The following ADAM20 variants were observed in gnomAD, a reference collection of about 807,000 sequenced individuals.
ADAM20 encodes the protein disintegrin and metalloproteinase domain-containing protein 20.
For missense variants in ADAM20, 871 were observed against 883.2 expected (o/e 0.99, Z 0.18); for synonymous variants, 305 against 310.2 (o/e 0.98, Z 0.18).
the ADAM20 span, among the ~76,000 whole-genome samples, chr14:70,559,472 C>CT: frequency 3.3e-5 from 5 of 152,302 alleles, no homozygotes; most frequent in East Asian, 9.6e-4. Flanking sequence ...AACATGTCTC[C>CT]TGCATCCATT....
chr14:70,577,597 C>A, the ADAM20 span, among the ~76,000 whole-genome samples: 1 of 152,120 alleles, frequency 6.6e-6, no homozygotes, highest in Non-Finnish European at 1.5e-5. Context: ...CCCTAAAATT[C>A]ATTTGAAACA....
the ADAM20 span, among the ~76,000 whole-genome samples, chr14:70,544,052 C>G: frequency 6.6e-6 from 1 of 152,068 alleles, no homozygotes; most frequent in Admixed American, 6.6e-5. Flanking sequence ...CACGCCAGCC[C>G]CGAGATAACC....
rs374396103 is a variant in ADAM20, at chr14:70,524,556, C to T, written c.202G>A (p.Gly68Arg). The T allele has an allele frequency of 1.2e-6, 2 of 1,613,858 alleles. No homozygotes were observed. Among genetic ancestry groups the T allele is most frequent in the African/African-American group, 2.7e-5 (2 of 74,896 alleles). Reference protein sequence around the residue: ...PGWLSYSLRFGGQRYIVHMRV... With the variant: ...PGWLSYSLRFRGQRYIVHMRV... ...ATGTGGACAATGTATCTCTGTCCCCCAAACCGCAGGCTATAGGAGAGCCAT... is the reference window on the plus strand; with the variant it reads ...ATGTGGACAATGTATCTCTGTCCCCTAAACCGCAGGCTATAGGAGAGCCAT... Residue 68 changes from glycine (G) to arginine (R), a missense_variant, in exon 2 of 2, where the codon GGG (glycine) becomes AGG (arginine). Physicochemically the swap from Gly to Arg is moderately radical, Grantham distance 125 (BLOSUM62 -2). Coordinates refer to ENST00000256389, the MANE Select transcript of ADAM20 (RefSeq NM_003814.5).
chr14:70,547,451 C>G, the ADAM20 span: 1 of 140,388 alleles, frequency 7.1e-6, no homozygotes, highest in East Asian at 2.1e-4. Flanking sequence ...GTGTGCGCAC[C>G]GTGCGCGAGC....
chr14:70,563,237 T>C, the ADAM20 span, among the ~76,000 whole-genome samples: 1 of 152,010 alleles, frequency 6.6e-6, no homozygotes, highest in South Asian at 2.1e-4. Flanking sequence ...TTAGCAGCCC[T>C]CATTACAACC....
intron 1 of ADAM20, among the ~76,000 whole-genome samples, chr14:70,534,286 T>C (rs1595023944): frequency 6.6e-6 from 1 of 151,980 alleles, no homozygotes; most frequent in Non-Finnish European, 1.5e-5. Context: ...ACAGCTGCTA[T>C]GGAAAACAAT....
At chr14:70,555,821 CT>C in the ADAM20 span, among the ~76,000 whole-genome samples, 1 of 152,212 alleles carries the variant, frequency 6.6e-6, no homozygotes, top group Non-Finnish European at 1.5e-5. Context: ...TTTCAAACCA[CT>C]TAGTTTCTGG....
chr14:70,559,561 A>G, the ADAM20 span, among the ~76,000 whole-genome samples: 15 of 152,228 alleles, frequency 9.9e-5, no homozygotes, highest in Non-Finnish European at 1.9e-4. Context: ...TACTTTGCTC[A>G]GAATGCTCCA....
At chr14:70,570,920 TG>T in the ADAM20 span, among the ~76,000 whole-genome samples, 1,174 of 152,288 alleles carry the variant, frequency 7.7e-3, 13 homozygotes, top group African/African-American at 0.027. Context: ...CATGATCAAG[TG>T]GGCTTTATTT....
intron 1 of ADAM20, among the ~76,000 whole-genome samples, chr14:70,527,023 G>A (rs1452195257): frequency 1.3e-5 from 2 of 152,066 alleles, no homozygotes; most frequent in Non-Finnish European, 2.9e-5. Context: ...TGTAACCAGA[G>A]TTTATATTTA....
the ADAM20 span, among the ~76,000 whole-genome samples, chr14:70,543,095 G>A: frequency 2.0e-5 from 3 of 152,110 alleles, no homozygotes; most frequent in Non-Finnish European, 4.4e-5. Context: ...AAAAACTATT[G>A]CACACCTGTT....
At chr14:70,527,313 T>C (rs192882001) in intron 1 of ADAM20, among the ~76,000 whole-genome samples, 1 of 152,312 alleles carries the variant, frequency 6.6e-6, no homozygotes, top group East Asian at 1.9e-4. Flanking sequence ...AGCCCCTCTA[T>C]CTGTGCTATG....
chr14:70,570,427 T>C, the ADAM20 span, among the ~76,000 whole-genome samples: 1 of 151,572 alleles, frequency 6.6e-6, no homozygotes, highest in Non-Finnish European at 1.5e-5. Context: ...CAATAAAAAA[T>C]GATAAAGGTG....
intron 1 of ADAM20, among the ~76,000 whole-genome samples, chr14:70,527,373 C>T (rs933073621): frequency 3.9e-5 from 6 of 152,076 alleles, no homozygotes; most frequent in Non-Finnish European, 7.4e-5. Context: ...TCAGATTTAT[C>T]CTCAACTTTT....
At chr14:70,543,648 A>G in the ADAM20 span, among the ~76,000 whole-genome samples, 1 of 152,188 alleles carries the variant, frequency 6.6e-6, no homozygotes, top group Non-Finnish European at 1.5e-5. Flanking sequence ...CCTAGGACTA[A>G]TGTTCTTACC....
At chr14:70,541,628 T>C in the ADAM20 span, among the ~76,000 whole-genome samples, 1 of 152,214 alleles carries the variant, frequency 6.6e-6, no homozygotes, top group Non-Finnish European at 1.5e-5. Context: ...AGCACACTAA[T>C]ATAAAGGTAA....
chr14:70,541,695 G>A, the ADAM20 span, among the ~76,000 whole-genome samples: 1 of 152,178 alleles, frequency 6.6e-6, no homozygotes, highest in African/African-American at 2.4e-5. Flanking sequence ...ATAAAATAGT[G>A]TTTGGTTTTC....
At chr14:70,561,144 G>C in the ADAM20 span, among the ~76,000 whole-genome samples, 30 of 152,360 alleles carry the variant, frequency 2.0e-4, no homozygotes, top group African/African-American at 6.5e-4. Context: ...CTCAGATGGA[G>C]ATGAGGAATT....
chr14:70,573,453 A>G, the ADAM20 span, among the ~76,000 whole-genome samples: 1 of 152,246 alleles, frequency 6.6e-6, no homozygotes, highest in African/African-American at 2.4e-5. Flanking sequence ...GATGGGAAAG[A>G]GTTGGAAAAA....
Sources: gnomAD v4.1 joint callset for allele counts (sites outside exome capture counted in the v4.1 genomes callset) on GRCh38, gnomAD v4.1.1 for gene constraint, MANE v1.5 for transcripts, NCBI Gene and HGNC (gene_info 2026-07-23, HGNC 2026-07-21) for gene names.